The following FREM3 variants were observed in gnomAD, a reference collection of about 807,000 sequenced individuals.
The protein encoded by FREM3 is FRAS1-related extracellular matrix protein 3.
A neutral mutation model predicts 129.1 loss-of-function variants in FREM3; 105 were observed. That is an observed-to-expected ratio of 0.81 (90% CI 0.69 to 0.96). FREM3 has a LOEUF of 0.96. FREM3 is among the 40% of genes least tolerant of loss of function. The pLI, the probability that FREM3 is intolerant of heterozygous loss-of-function variation, is 0.00. For missense variants in FREM3, 2,593 were observed against 2,666.3 expected (o/e 0.97, Z 0.61); for synonymous variants, 1,014 against 1,044.9 (o/e 0.97, Z 0.57).
In FREM3 at chr4:143,696,888, G is replaced by T; in HGVS notation, c.3788C>A (p.Ala1263Asp). 6.5e-7 allele frequency: 1 copy of T among 1,537,644 alleles called. No homozygotes were observed. The change falls in exon 1 of 8, where the codon GCC becomes GAC. Residue 1263 changes from alanine (A) to aspartate (D), a missense_variant. Around this residue, in one of 2 missense-constraint regions of FREM3, gnomAD observed 2,276 missense variants for 2,267.2 expected, o/e 1.00. Transcript: ENST00000329798. ...HSFTLKEIQEASTIVYEHDDS... is the reference protein window; with the variant it reads ...HSFTLKEIQEDSTIVYEHDDS... ...ATCATGCTCATACACAATGGTGGAGGCCTCCTGGATCTCCTTGAGGGTGAA... is the reference window on the plus strand; with the variant it reads ...ATCATGCTCATACACAATGGTGGAGTCCTCCTGGATCTCCTTGAGGGTGAA...
At position 143,696,987 on chromosome 4, in the gene FREM3, A is replaced by G; in HGVS notation, c.3689T>C (p.Phe1230Ser). ...ATGCCGAGGGAGGGCTGTGAGTTGAAAGTGGAGCTCATTTGGTGGCAGGTC... is the reference window on the plus strand; with the variant it reads ...ATGCCGAGGGAGGGCTGTGAGTTGAGAGTGGAGCTCATTTGGTGGCAGGTC... Reference protein sequence around the residue: ...DADLPPNELHFQLTALPRHGR... With the variant: ...DADLPPNELHSQLTALPRHGR... The change falls in exon 1 of 8, where the codon TTT becomes TCT. Residue 1230 changes from phenylalanine (F) to serine (S), a missense_variant. Around this residue, in one of 2 missense-constraint regions of FREM3, gnomAD observed 2,276 missense variants for 2,267.2 expected, o/e 1.00. Coordinates refer to ENST00000329798, the MANE Select transcript of FREM3 (RefSeq NM_001168235.2). The G allele has an allele frequency of 6.5e-7, 1 of 1,537,684 alleles. No individual in the cohort carries two copies. The highest frequency in any genetic ancestry group is 8.7e-7 in the Non-Finnish European group (1 of 1,147,036).
chr4:143,623,881 A>G (rs1445663738), intron 4 of FREM3, among the ~76,000 whole-genome samples: 1 of 152,196 alleles, frequency 6.6e-6, no homozygotes, highest in African/African-American at 2.4e-5. Flanking sequence ...TATATATTAC[A>G]GGAATGCTGA....
At chr4:143,690,274 C>G (rs1048193546) in intron 2 of FREM3, among the ~76,000 whole-genome samples, 1 of 152,156 alleles carries the variant, frequency 6.6e-6, no homozygotes, top group Non-Finnish European at 1.5e-5. Context: ...CTCAAAGATG[C>G]AAGACTACAA....
rs745517773 is a variant in FREM3 at position 143,700,006 on chromosome 4, C to G, written c.670G>C (p.Gly224Arg). ...PHEDGPLPKY[G>R]RLVDAVGAPL... ...GCCCCCACCGCGTCCACCAAGCGCC[C>G]GTACTTGGGCAGGGGGCCGTCCTCG... The change falls in exon 1 of 8, where the codon GGG becomes CGG. Residue 224 changes from glycine (G) to arginine (R), a missense_variant. Physicochemically the swap from Gly to Arg is moderately radical, Grantham distance 125 (BLOSUM62 -2). Around this residue, in one of 2 missense-constraint regions of FREM3, gnomAD observed 2,276 missense variants for 2,267.2 expected, o/e 1.00. Transcript: ENST00000329798. The G allele has an allele frequency of 6.7e-6, 10 of 1,502,170 alleles. No homozygotes were observed. The highest frequency in any genetic ancestry group is 2.5e-5 in the South Asian group (2 of 78,626). 93.1% of individuals were successfully genotyped at this position (1,502,170 alleles called of 1,614,324 possible). A position where few individuals can be genotyped will look rare whatever the true frequency, so the allele number is the denominator to read the frequency against.
At chr4:143,685,074 A>G (rs955031452) in intron 2 of FREM3, among the ~76,000 whole-genome samples, 1 of 152,210 alleles carries the variant, frequency 6.6e-6, no homozygotes, top group South Asian at 2.1e-4. Context: ...TTTAAAAAAC[A>G]TTTTTGGGGG....
intron 6 of FREM3, among the ~76,000 whole-genome samples, chr4:143,610,224 T>C (rs958991812): frequency 1.3e-5 from 2 of 152,150 alleles, no homozygotes; most frequent in South Asian, 4.1e-4. Flanking sequence ...AGAGATCTGG[T>C]CCACAGGGTG....
intron 2 of FREM3, among the ~76,000 whole-genome samples, chr4:143,676,606 C>A (rs1740131992): frequency 6.6e-6 from 1 of 152,150 alleles, no homozygotes; most frequent in South Asian, 2.1e-4. Context: ...CAAATTGTCC[C>A]TGTTTGCAGA....
chr4:143,660,628 T>C (rs1371695746), intron 2 of FREM3, among the ~76,000 whole-genome samples: 2 of 152,154 alleles, frequency 1.3e-5, no homozygotes, highest in African/African-American at 2.4e-5. Context: ...AGGAAAGTCA[T>C]TGGTAGCTTG....
chr4:143,651,812 G>T (rs1289101222), intron 2 of FREM3, among the ~76,000 whole-genome samples: 1 of 152,156 alleles, frequency 6.6e-6, no homozygotes, highest in Non-Finnish European at 1.5e-5. Context: ...TGGAAGGAGA[G>T]AAGGAAGTAA....
chr4:143,604,740 A>T (rs1738639482), intron 6 of FREM3, among the ~76,000 whole-genome samples: 2 of 152,162 alleles, frequency 1.3e-5, no homozygotes, highest in South Asian at 4.1e-4. Flanking sequence ...AATCACACAG[A>T]TGACCATGTA....
At chr4:143,629,844 G>C (rs1739107142) in intron 2 of FREM3, among the ~76,000 whole-genome samples, 2 of 152,262 alleles carry the variant, frequency 1.3e-5, no homozygotes, top group African/African-American at 4.8e-5. Context: ...CAGTCTGCTA[G>C]TCCAGTGCTC....
chr4:143,588,669 G>A (rs374475633), intron 6 of FREM3, among the ~76,000 whole-genome samples: 1 of 151,772 alleles, frequency 6.6e-6, no homozygotes, highest in Non-Finnish European at 1.5e-5. Context: ...TTGGTTCCAA[G>A]TCTTTGCTAT....
At chr4:143,587,247 C>T (rs543065629) in intron 6 of FREM3, among the ~76,000 whole-genome samples, 16 of 152,204 alleles carry the variant, frequency 1.1e-4, no homozygotes, top group African/African-American at 2.9e-4. Context: ...TTTTTTAAGA[C>T]TTTATTGATA....
chr4:143,636,763 A>G (rs1360709258), intron 2 of FREM3, among the ~76,000 whole-genome samples: 1 of 152,136 alleles, frequency 6.6e-6, no homozygotes, highest in Non-Finnish European at 1.5e-5. Flanking sequence ...TAAAAACAAA[A>G]TAAAAAGATT....
intron 2 of FREM3, among the ~76,000 whole-genome samples, chr4:143,659,102 T>C (rs1387881686): frequency 1.4e-5 from 2 of 147,402 alleles, no homozygotes; most frequent in South Asian, 4.2e-4. Context: ...ATTATTATTA[T>C]TATTATTATT....
intron 2 of FREM3, among the ~76,000 whole-genome samples, chr4:143,628,713 G>A: frequency 6.6e-6 from 1 of 152,140 alleles, no homozygotes; most frequent in East Asian, 1.9e-4. Flanking sequence ...ATGCCATGGT[G>A]GAAATCCCTA....
intron 4 of FREM3, 45 bp from the exon 5 acceptor site, chr4:143,621,207 T>C: frequency 6.5e-7 from 1 of 1,528,012 alleles, no homozygotes; most frequent in Non-Finnish European, 8.8e-7. Context: ...TTAGATTTGA[T>C]CGGTGATATT....
intron 7 of FREM3, among the ~76,000 whole-genome samples, chr4:143,578,933 G>A (rs1331286646): frequency 6.6e-6 from 1 of 152,094 alleles, no homozygotes; most frequent in Non-Finnish European, 1.5e-5. Flanking sequence ...GGTCTGAGTA[G>A]ATTATGCAAG....
intron 6 of FREM3, among the ~76,000 whole-genome samples, chr4:143,598,901 T>C (rs1285219384): frequency 6.6e-6 from 1 of 152,176 alleles, no homozygotes; most frequent in Non-Finnish European, 1.5e-5. Flanking sequence ...TCCAGGTTTG[T>C]GTAAGTATAC....
Sources: gnomAD v4.1 joint callset for allele counts (sites outside exome capture counted in the v4.1 genomes callset) on GRCh38, gnomAD v4.1.1 for gene constraint, gnomAD v4.1.1 regional missense constraint, MANE v1.5 for transcripts, NCBI Gene and HGNC (gene_info 2026-07-23, HGNC 2026-07-21) for gene names.